Variants in TUBGCP6 observed in about 807,000 individuals in gnomAD.
TUBGCP6 encodes the protein gamma-tubulin complex component 6.
In TUBGCP6, 161 loss-of-function variants were observed where a neutral mutation model predicts 175.8. That is an observed-to-expected ratio of 0.92 (90% CI 0.81 to 1.04). The LOEUF (loss-of-function observed/expected upper bound fraction) is 1.04, where lower values mean the gene tolerates loss of function less well. Among genes scored for constraint, TUBGCP6 ranks in the 50% least tolerant of loss-of-function variants. The pLI is 0.00. For synonymous variants in TUBGCP6, 1,173 were observed against 1,030.5 expected, an observed-to-expected ratio of 1.14 and a Z score of -2.65; for missense variants, 2,572 against 2,433.0, an observed-to-expected ratio of 1.06 and a Z score of -1.20.
intron 5 of TUBGCP6, 106 bp from the exon 6 acceptor site, chr22:50,227,183 C>CT: frequency 9.5e-7 from 1 of 1,055,324 alleles, no homozygotes; most frequent in Non-Finnish European, 1.4e-6. Flanking sequence ...CCTGGGGCAA[C>CT]TAACTTTAGA....
Position 50,217,903 on chromosome 22 carries a change from C to G in TUBGCP6, c.5368+15G>C, listed in dbSNP as rs757383120. ...CTGGCCCCCCCGCAGCCCTCCCAGCCAGGGTGGGCCTCACCTTTGAAGAGA... is the reference window on the plus strand; with the variant it reads ...CTGGCCCCCCCGCAGCCCTCCCAGCGAGGGTGGGCCTCACCTTTGAAGAGA... On this transcript the variant is annotated intron_variant, in intron 24 of 24. Coordinates refer to ENST00000248846, the MANE Select transcript of TUBGCP6 (RefSeq NM_020461.4). 1.2e-6 allele frequency: 2 copies of G among 1,604,946 alleles called. No homozygotes were observed. The highest frequency in any genetic ancestry group is 1.1e-5 in the South Asian group (1 of 90,490).
Position 50,219,206 on chromosome 22 carries a change from G to C in TUBGCP6, c.4488C>G (p.Ile1496Met), listed in dbSNP as rs1399679005. The C allele has an allele frequency of 6.2e-7, 1 of 1,611,116 alleles. No individual in the cohort carries two copies. Among genetic ancestry groups the C allele is most frequent in the Admixed American group, 1.7e-5 (1 of 60,020 alleles). Residue 1496 changes from isoleucine (I) to methionine (M), a missense_variant, in exon 20 of 25, where the codon ATC (isoleucine) becomes ATG (methionine). Coordinates refer to ENST00000248846, the MANE Select transcript of TUBGCP6 (RefSeq NM_020461.4). ...CGACAGCGGCCTTGTTCACCAAGGAGATGCTGGCAGGAGGGAGCTGGAGTC... is the reference window on the plus strand; with the variant it reads ...CGACAGCGGCCTTGTTCACCAAGGACATGCTGGCAGGAGGGAGCTGGAGTC... ...RSITAPLAAH[I>M]SLVNKAAVDY...
In TUBGCP6 at chr22:50,224,144, G is replaced by A. The variant is rs748035102; in HGVS notation, c.2267C>T (p.Ala756Val). 1.2e-5 allele frequency: 20 copies of A among 1,612,744 alleles called. No homozygotes were observed. Among genetic ancestry groups the A allele is most frequent in the South Asian group, 2.2e-5 (2 of 91,058 alleles). ...KSLEEELERK[A>V]RQALVDHYSK... The stretch of plus-strand genomic sequence containing the variant: ...CCTGGAGCCCGGGCTGCCCTACCTC[G>A]CCTTCCTCTCCAGCTCCTCCTCCAG... Residue 756 changes from alanine (A) to valine (V), a missense_variant, in exon 13 of 25, where the codon GCG becomes GTG. Physicochemically the swap from Ala to Val is moderately conservative, Grantham distance 64 (BLOSUM62 0). Transcript: ENST00000248846.
At chr22:50,227,587 A>G (rs1414186806) in intron 5 of TUBGCP6, among the ~76,000 whole-genome samples, 1 of 152,124 alleles carries the variant, frequency 6.6e-6, no homozygotes, top group Non-Finnish European at 1.5e-5. Flanking sequence ...GCACCTGCCA[A>G]TAGCCCCCGA....
At chr22:50,240,103 C>T (rs2064821257) in intron 2 of TUBGCP6, 101 bp downstream of exon 2, 1 of 1,517,624 alleles carries the variant, frequency 6.6e-7, no homozygotes, top group African/African-American at 1.4e-5. Context: ...ATCACAACTG[C>T]CTGGACCCCT....
At chr22:50,226,265 C>G in intron 8 of TUBGCP6, 22 bp downstream of exon 8, 1 of 1,614,044 alleles carries the variant, frequency 6.2e-7, no homozygotes, top group Non-Finnish European at 8.5e-7. Flanking sequence ...GGACCCCTGC[C>G]CCGCAATCAG....
chr22:50,221,013 T>C lies in TUBGCP6; in HGVS notation c.3346A>G (p.Arg1116Gly). ...ACATCTGACACATTCTCCCCGACCC[T>C]GATGCTGGCGTTGGACACATGTCCA... The part of the protein sequence containing the change: ...IHGHVSNASI[R>G]VGENVSDVAP... Residue 1116 changes from arginine (R) to glycine (G), a missense_variant, in exon 16 of 25, where the codon AGG (arginine) becomes GGG (glycine). Physicochemically the swap from Arg to Gly is moderately radical, Grantham distance 125 (BLOSUM62 -2). Transcript: ENST00000248846. 1 of 1,611,460 alleles carries C rather than the reference T, an allele frequency of 6.2e-7. No individual in the cohort carries two copies. The highest frequency in any genetic ancestry group is 2.2e-5 in the East Asian group (1 of 44,704).
intron 1 of TUBGCP6, among the ~76,000 whole-genome samples, chr22:50,240,894 C>T (rs1374662986): frequency 3.3e-5 from 5 of 152,158 alleles, no homozygotes; most frequent in Admixed American, 3.3e-4. Flanking sequence ...GAGGCTGAGG[C>T]AGAAGAATTG....
intron 3 of TUBGCP6, among the ~76,000 whole-genome samples, chr22:50,229,939 T>C (rs1288730085): frequency 1.3e-5 from 2 of 152,022 alleles, no homozygotes; most frequent in Non-Finnish European, 2.9e-5. Flanking sequence ...AGAGAAATGA[T>C]GGAAGATGCA....
intron 2 of TUBGCP6, 118 bp from the exon 3 acceptor site, chr22:50,233,644 A>C: frequency 1.0e-6 from 1 of 986,012 alleles, no homozygotes; most frequent in African/African-American, 1.6e-5. Context: ...CAAAACAATA[A>C]ACTCTAAGAA....
intron 2 of TUBGCP6, among the ~76,000 whole-genome samples, chr22:50,234,191 C>T (rs141489408): frequency 1.4e-3 from 202 of 149,548 alleles, no homozygotes; most frequent in Non-Finnish European, 3.1e-4. Context: ...ATCATCCACA[C>T]GCCCGTCCAC....
At chr22:50,223,755 GGGT>G (rs2064562506) in intron 13 of TUBGCP6, 1 of 153,780 alleles carries the variant, frequency 6.5e-6, no homozygotes, top group Non-Finnish European at 1.3e-5. Context: ...ACTCCAGCCT[GGGT>G]GACAGAGCAA....
chr22:50,218,937 C>T (rs770605705), intron 20 of TUBGCP6, 40 bp from the exon 21 acceptor site: 3 of 1,592,430 alleles, frequency 1.9e-6, no homozygotes, highest in Non-Finnish European at 2.6e-6. Context: ...GAGTCCCAAG[C>T]ACATGCCTGG....
At chr22:50,243,601 G>A (rs2147220247) in intron 1 of TUBGCP6, 118 bp downstream of exon 1, 2 of 1,048,610 alleles carry the variant, frequency 1.9e-6, no homozygotes, top group Non-Finnish European at 2.6e-6. Flanking sequence ...CTGGGTGACA[G>A]AGTGAGACAC....
chr22:50,219,589 G>T, intron 18 of TUBGCP6, 55 bp downstream of exon 18: 3 of 1,599,928 alleles, frequency 1.9e-6, no homozygotes, highest in Non-Finnish European at 2.6e-6. Context: ...GGTGGAGCAC[G>T]TGCTGGGAAC....
intron 7 of TUBGCP6, 107 bp from the exon 8 acceptor site, chr22:50,226,485 T>G: frequency 2.2e-6 from 2 of 911,868 alleles, no homozygotes; most frequent in Admixed American, 2.3e-5. Context: ...GAGGGGCAAG[T>G]GGGGGCGTAG....
At position 50,220,479 on chromosome 22, in the gene TUBGCP6, G is replaced by T. The variant is rs1346077977; in HGVS notation, c.3880C>A (p.Gln1294Lys). 8 of 1,613,086 alleles carry T rather than the reference G, an allele frequency of 5.0e-6. No homozygotes were observed. The highest frequency in any genetic ancestry group is 1.3e-5 in the African/African-American group (1 of 74,950). The change falls in exon 16 of 25, where the codon CAA becomes AAA. Residue 1294 changes from glutamine (Q) to lysine (K), a missense_variant. Transcript: ENST00000248846. ...PEAEPNTPRP[Q>K]QSPPGHTSQS... The stretch of plus-strand genomic sequence containing the variant: ...GACGTGTGGCCAGGGGGGCTCTGTT[G>T]GGGCCTGGGTGTGTTGGGCTCAGCT...
chr22:50,232,365 C>CA (rs765363119), intron 3 of TUBGCP6, among the ~76,000 whole-genome samples: 20 of 94,942 alleles, frequency 2.1e-4, no homozygotes, highest in East Asian at 3.0e-4. Context: ...GACTCTGTCT[C>CA]AAAAAAAAAA....
chr22:50,241,223 T>C (rs2064834879), intron 1 of TUBGCP6, among the ~76,000 whole-genome samples: 1 of 151,854 alleles, frequency 6.6e-6, no homozygotes, highest in Admixed American at 6.6e-5. Context: ...AGGGGCAAGG[T>C]GAGAAGTGAC....
Sources: allele counts gnomAD v4.1 joint callset (sites outside exome capture counted in the v4.1 genomes callset), GRCh38; gene constraint gnomAD v4.1.1; transcripts MANE v1.5; gene names NCBI Gene and HGNC (gene_info 2026-07-23, HGNC 2026-07-21).